PFKL: variants seen among roughly 807,000 people sequenced by gnomAD.
PFKL encodes the protein phosphofructokinase, liver type.
In PFKL, 74 loss-of-function variants were observed where a neutral mutation model predicts 92.1. That is an observed-to-expected ratio of 0.80 (90% CI 0.67 to 0.97). PFKL has a LOEUF of 0.97. Ranked by LOEUF, PFKL falls within the 50% of genes least tolerant of loss-of-function variation. The pLI, the probability that PFKL is intolerant of heterozygous loss-of-function variation, is 0.00. For missense variants in PFKL, 1,028 were observed against 1,116.6 expected, an observed-to-expected ratio of 0.92 and a Z score of 1.13; for synonymous variants, 494 against 456.4, an observed-to-expected ratio of 1.08 and a Z score of -1.05.
chr21:44,325,359 C>A, intron 19 of PFKL, 95 bp downstream of exon 19: 1 of 804,500 alleles, frequency 1.2e-6, no homozygotes. Context: ...CGGGCACCCA[C>A]GGGCACTCCC....
chr21:44,325,403 T>G (rs2047477958), intron 19 of PFKL, 139 bp downstream of exon 19: 1 of 643,908 alleles, frequency 1.6e-6, no homozygotes, highest in Non-Finnish European at 2.8e-6. Context: ...CCTTCCCCAG[T>G]GAGGGGACCG....
chr21:44,300,727 G>A (rs574864855), intron 1 of PFKL, among the ~76,000 whole-genome samples: 1 of 67,452 alleles, frequency 1.5e-5, no homozygotes, highest in African/African-American at 1.1e-4. Flanking sequence ...GGGGAGATGG[G>A]CTGCCCGGGG....
intron 3 of PFKL, among the ~76,000 whole-genome samples, chr21:44,311,296 G>A (rs997506976): frequency 3.4e-4 from 49 of 145,674 alleles, no homozygotes; most frequent in African/African-American, 8.4e-4. Flanking sequence ...ACACAGGCGC[G>A]CACAGACACA....
Position 44,325,983 on chromosome 21 carries a change from A to G in PFKL, c.2012A>G (p.Asp671Gly). Reference protein sequence around the residue: ...LQQGGAPTPFDRNYGTKLGVK... With the variant: ...LQQGGAPTPFGRNYGTKLGVK... ...CAGGGTGGCGCTCCAACCCCCTTTG[A>G]CCGGAACTATGGGACCAAGCTGGGG... The change falls in exon 20 of 22, where the codon GAC (aspartate) becomes GGC (glycine). Residue 671 changes from aspartate (D) to glycine (G), a missense_variant. Transcript: ENST00000349048. 6.2e-7 allele frequency: 1 copy of G among 1,613,642 alleles called. No homozygotes were observed. Among genetic ancestry groups the G allele is most frequent in the Non-Finnish European group, 8.5e-7 (1 of 1,179,894 alleles).
intron 21 of PFKL, 70 bp from the exon 22 acceptor site, chr21:44,326,645 C>A: frequency 6.7e-7 from 1 of 1,492,754 alleles, no homozygotes; most frequent in Non-Finnish European, 8.9e-7. Flanking sequence ...GGTGGGGGGG[C>A]TGGGGACGTG....
chr21:44,325,043 C>A, intron 18 of PFKL, 110 bp from the exon 19 acceptor site: 1 of 1,204,356 alleles, frequency 8.3e-7, no homozygotes, highest in Admixed American at 2.0e-5. Context: ...GCCAGGGCGG[C>A]TTTCCTGGGA....
chr21:44,325,429 T>G, intron 19 of PFKL, 165 bp downstream of exon 19: 1 of 600,944 alleles, frequency 1.7e-6, no homozygotes, highest in Non-Finnish European at 3.0e-6. Flanking sequence ...TGTATCTAGG[T>G]GAGGTCTCAT....
At chr21:44,300,997 G>A (rs1479735288) in intron 1 of PFKL, among the ~76,000 whole-genome samples, 1 of 152,220 alleles carries the variant, frequency 6.6e-6, no homozygotes, top group African/African-American at 2.4e-5. Flanking sequence ...TAGGAGACCA[G>A]AAGTGAGGTG....
Position 44,324,472 on chromosome 21 carries a change from A to G in PFKL, c.1651-19A>G. ...AGGGTGGGCACGTGGAGGACCCCCG[A>G]CCCCCCCTTGTCCCCCAGAGCTGTG... On this transcript the variant is annotated intron_variant, in intron 16 of 21. Transcript: ENST00000349048. 6.2e-7 allele frequency: 1 copy of G among 1,606,428 alleles called. No individual in the cohort carries two copies. The highest frequency in any genetic ancestry group is 8.5e-7 in the Non-Finnish European group (1 of 1,177,206).
chr21:44,322,466 G>A (rs756655073), intron 14 of PFKL, among the ~76,000 whole-genome samples: 52 of 152,344 alleles, frequency 3.4e-4, no homozygotes, highest in Middle Eastern at 3.4e-3. Flanking sequence ...GTCTGTCCCT[G>A]CCTGGCCAGG....
intron 2 of PFKL, among the ~76,000 whole-genome samples, chr21:44,309,758 G>A (rs530560364): frequency 6.6e-6 from 1 of 152,324 alleles, no homozygotes; most frequent in South Asian, 2.1e-4. Context: ...TACAACCAGA[G>A]GGGGCCAGGC....
chr21:44,307,271 G>C, intron 2 of PFKL: 1 of 985,296 alleles, frequency 1.0e-6, no homozygotes, highest in Non-Finnish European at 1.2e-6. Context: ...AGCAGCGGAT[G>C]CCCTACTGCC....
At chr21:44,325,695 GC>G in intron 19 of PFKL, 4 of 529,206 alleles carry the variant, frequency 7.6e-6, no homozygotes, top group Non-Finnish European at 1.4e-5. Context: ...GCCGCTGGCT[GC>G]CGATGCAGGG....
At chr21:44,324,998 CAGG>C (rs1602057338) in intron 18 of PFKL, 81 bp downstream of exon 18, 2 of 1,326,922 alleles carry the variant, frequency 1.5e-6, no homozygotes, top group Non-Finnish European at 2.1e-6. Flanking sequence ...AGCGGCTGGG[CAGG>C]AGAAGGCAGG....
intron 1 of PFKL, among the ~76,000 whole-genome samples, chr21:44,305,587 C>G (rs571300170): frequency 1.9e-4 from 29 of 152,274 alleles, no homozygotes; most frequent in African/African-American, 5.8e-4. Flanking sequence ...AGCACAAACT[C>G]AGGCCTGTTA....
intron 1 of PFKL, among the ~76,000 whole-genome samples, chr21:44,303,440 A>AAAAAAAAAACTTGATC: frequency 1.5e-5 from 1 of 68,714 alleles, no homozygotes; most frequent in Non-Finnish European, 2.6e-5. Context: ...GACCAAAAAA[A>AAAAAAAAAACTTGATC]AAAAAAAAAA....
chr21:44,316,389 T>C (rs374978094), intron 8 of PFKL, 43 bp from the exon 9 acceptor site: 108 of 1,611,370 alleles, frequency 6.7e-5, no homozygotes, highest in Non-Finnish European at 7.8e-5. Flanking sequence ...CTCTAGGCCG[T>C]GTGGGCTGGG....
intron 4 of PFKL, 147 bp downstream of exon 4, chr21:44,312,441 T>TG: frequency 1.4e-6 from 1 of 705,432 alleles, no homozygotes; most frequent in Non-Finnish European, 2.2e-6. Flanking sequence ...CGGGGAGGAG[T>TG]AGTGTCTGCC....
At chr21:44,305,446 G>T in intron 1 of PFKL, 1 of 1,331,144 alleles carries the variant, frequency 7.5e-7, no homozygotes. Flanking sequence ...TGCAAGTACA[G>T]GGGGGTGGGA....
Sources: allele counts gnomAD v4.1 joint callset (sites outside exome capture counted in the v4.1 genomes callset), GRCh38; gene constraint gnomAD v4.1.1; transcripts MANE v1.5; gene names NCBI Gene and HGNC (gene_info 2026-07-23, HGNC 2026-07-21).